The following RPS6KA2 variants were observed in gnomAD, a reference collection of about 807,000 sequenced individuals.
RPS6KA2 encodes the protein ribosomal protein S6 kinase alpha-2.
A neutral mutation model predicts 91.8 loss-of-function variants in RPS6KA2; 42 were observed. The observed-to-expected ratio is 0.46, with a 90% CI of 0.36 to 0.59. RPS6KA2 has a LOEUF of 0.59. RPS6KA2 is among the 20% of genes least tolerant of loss of function. The pLI is 0.00. For missense variants in RPS6KA2, 798 were observed against 978.5 expected (o/e 0.82, Z 2.46); for synonymous variants, 414 against 393.6 (o/e 1.05, Z -0.61).
rs530227355 is a variant in RPS6KA2 at position 166,747,665 on chromosome 6, C to T, written c.123+110535G>A. On this transcript the variant is annotated intron_variant, in intron 2 of 21. Transcript: ENST00000503859. ...TACTGAGTGAGGAAAACAGAGAGGG[C>T]GGTGGAGGTGGCCACACAGCATAGC... Among the ~76,000 whole-genome samples the T allele has an allele frequency of 1.2e-4, 19 of 152,262 alleles. No homozygotes were observed. The East Asian group carries it at 2.1e-3, about 17-fold the overall frequency.
In RPS6KA2 at chr6:166,767,370, G is replaced by C. The variant is rs573701418; in HGVS notation, c.123+90830C>G. Among the ~76,000 whole-genome samples the C allele has an allele frequency of 6.6e-6, 1 of 152,308 alleles. No individual in the cohort carries two copies. The highest frequency in any genetic ancestry group is 2.1e-4 in the South Asian group (1 of 4,826). ...TCACTCCTCTAACCAAGACCACAAA[G>C]GCCGCGCGGATCAATGTGCTCCAGA... On this transcript the variant is annotated intron_variant, in intron 2 of 21. Transcript: ENST00000503859. This position sits in a 1 kb window ranked among gnomAD's most constrained non-coding sequence, Gnocchi z 4.6.
At chr6:166,472,663 G>A (rs1461152990) in intron 10 of RPS6KA2, among the ~76,000 whole-genome samples, 2 of 152,162 alleles carry the variant, frequency 1.3e-5, no homozygotes. Flanking sequence ...AGGTGACTTT[G>A]CACTCGGCTC....
At chr6:166,703,511 G>A (rs1789592173) in intron 2 of RPS6KA2, among the ~76,000 whole-genome samples, 1 of 152,240 alleles carries the variant, frequency 6.6e-6, no homozygotes, top group African/African-American at 2.4e-5. Flanking sequence ...GAGATACCGT[G>A]TAGTTTATAA....
chr6:166,461,237 G>A (rs1170725362), intron 11 of RPS6KA2, among the ~76,000 whole-genome samples: 1 of 152,154 alleles, frequency 6.6e-6, no homozygotes. Flanking sequence ...TTAGCACCGA[G>A]TTACTCTTCA....
intron 1 of RPS6KA2, among the ~76,000 whole-genome samples, chr6:166,604,511 C>T (rs1785870398): frequency 6.6e-6 from 1 of 152,166 alleles, no homozygotes. Flanking sequence ...CACTGGGGAT[C>T]GTAAGGGAGC....
At chr6:166,565,691 G>A (rs4709121) in intron 1 of RPS6KA2, among the ~76,000 whole-genome samples, 5 of 152,238 alleles carry the variant, frequency 3.3e-5, no homozygotes, top group Non-Finnish European at 7.3e-5. Context: ...TAGCTGTTGG[G>A]CCAGTGGGGC....
intron 1 of RPS6KA2, among the ~76,000 whole-genome samples, chr6:166,623,961 G>C (rs1786738499): frequency 6.6e-6 from 1 of 152,118 alleles, no homozygotes; most frequent in Non-Finnish European, 1.5e-5. Flanking sequence ...TTAGGGTTTA[G>C]CAAATGTTGG....
chr6:166,439,403 C>T (rs1394497008), intron 14 of RPS6KA2, among the ~76,000 whole-genome samples: 3 of 152,182 alleles, frequency 2.0e-5, no homozygotes, highest in Non-Finnish European at 4.4e-5. Flanking sequence ...CCACCGTGCC[C>T]GGCCATATAT....
chr6:166,590,777 T>C (rs971433022), intron 1 of RPS6KA2, among the ~76,000 whole-genome samples: 1 of 152,012 alleles, frequency 6.6e-6, no homozygotes, highest in African/African-American at 2.4e-5. Flanking sequence ...AAAAACCTCA[T>C]TGAGGCAGTG....
intron 2 of RPS6KA2, among the ~76,000 whole-genome samples, chr6:166,724,292 C>T (rs1020422410): frequency 7.2e-5 from 11 of 152,078 alleles, no homozygotes; most frequent in African/African-American, 2.7e-4. Flanking sequence ...GTTTTTGCTT[C>T]ATAAATTTTG....
rs1191088983 is a variant in RPS6KA2 at position 166,647,775 on chromosome 6, T to C, written c.124-108991A>G. 6.3e-5 allele frequency among the ~76,000 whole-genome samples: 9 copies of C among 143,570 alleles called. No homozygotes were observed. In the East Asian group the frequency reaches 1.3e-3, roughly 21 times the overall value. The allele number at this position is 143,570 out of a possible 152,430, so 94.2% of individuals were successfully genotyped here. On this transcript the variant is annotated intron_variant, in intron 2 of 21. Transcript: ENST00000503859. Reference sequence around the variant, plus strand: ...ACACACACACACACGCACATGCTCATACACACACATGCACATGCTTACACA... The same window carrying C: ...ACACACACACACACGCACATGCTCACACACACACATGCACATGCTTACACA...
rs1227479334 is a variant in RPS6KA2 at position 166,849,479 on chromosome 6, C to T, written c.123+8721G>A. Among the ~76,000 whole-genome samples the T allele has an allele frequency of 6.6e-6, 1 of 152,104 alleles. No homozygotes were observed. Among genetic ancestry groups the T allele is most frequent in the Non-Finnish European group, 1.5e-5 (1 of 68,022 alleles). The stretch of plus-strand genomic sequence containing the variant: ...CACAGTTATCACTCCCCAGACTTTG[C>T]CCGAAGAATAAAAGAAGAAGGGAGG... On this transcript the variant is annotated intron_variant, in intron 2 of 21. Coordinates refer to the RPS6KA2 transcript ENST00000503859. This position sits in a 1 kb window ranked among gnomAD's most constrained non-coding sequence, Gnocchi z 4.9.
intron 1 of RPS6KA2, among the ~76,000 whole-genome samples, chr6:166,604,322 A>T (rs1785860456): frequency 6.6e-6 from 1 of 152,180 alleles, no homozygotes; most frequent in Non-Finnish European, 1.5e-5. Flanking sequence ...ACTTTTTTTA[A>T]AAAACGTTTC....
intron 2 of RPS6KA2, among the ~76,000 whole-genome samples, chr6:166,826,595 C>A (rs530790871): frequency 6.6e-6 from 1 of 152,198 alleles, no homozygotes; most frequent in Non-Finnish European, 1.5e-5. Flanking sequence ...CAGAAAGATG[C>A]GCTTTTCTAC....
At position 166,798,691 on chromosome 6, in the gene RPS6KA2, G is replaced by A. The variant is rs1056380408; in HGVS notation, c.123+59509C>T. ...AGTAATTACTTATCATTTCCAGCTC[G>A]TCAGCTCTTTCCCAAAAGTGATCTG... is the stretch of plus-strand genomic sequence containing the variant. On this transcript the variant is annotated intron_variant, in intron 2 of 21. Coordinates refer to the RPS6KA2 transcript ENST00000503859. Among the ~76,000 whole-genome samples the A allele has an allele frequency of 7.8e-5, 10 of 127,938 alleles. No homozygotes were observed. In the East Asian group the frequency reaches 8.1e-4, roughly 10 times the overall value. The allele number at this position is 127,938 out of a possible 152,430, so 83.9% of individuals were successfully genotyped here.
At position 166,434,147 on chromosome 6, in the gene RPS6KA2, C is replaced by T. The variant is rs548090466; in HGVS notation, c.1333-1657G>A. ...CCCTGGTCACCCTTCGTCCACTCCC[C>T]GTCACCGTTATAAAAACTCACCATA... On this transcript the variant is annotated intron_variant, in intron 14 of 20. Coordinates refer to ENST00000265678, the MANE Select transcript of RPS6KA2 (RefSeq NM_021135.6). This position sits in a 1 kb window ranked among gnomAD's most constrained non-coding sequence, Gnocchi z 4.4. Among the ~76,000 whole-genome samples the T allele has an allele frequency of 8.5e-5, 13 of 152,294 alleles. No homozygotes were observed. In the East Asian group the frequency reaches 1.2e-3, roughly 14 times the overall value.
intron 1 of RPS6KA2, among the ~76,000 whole-genome samples, chr6:166,571,440 G>A (rs112489697): frequency 5.9e-5 from 9 of 152,324 alleles, no homozygotes; most frequent in African/African-American, 2.2e-4. Flanking sequence ...TTAAAAGCTC[G>A]TAAGCAAAAT....
chr6:166,843,627 G>A (rs1353365267), intron 2 of RPS6KA2, among the ~76,000 whole-genome samples: 3 of 152,290 alleles, frequency 2.0e-5, no homozygotes, highest in Admixed American at 6.5e-5. Flanking sequence ...TACCAGCCCA[G>A]AGCCAGTAGC....
intron 2 of RPS6KA2, among the ~76,000 whole-genome samples, chr6:166,787,395 G>A (rs55706390): frequency 0.12 from 18,075 of 151,894 alleles, 1,361 homozygotes; most frequent in Non-Finnish European, 0.16. Flanking sequence ...TGATATTTAT[G>A]AATTATATAA....
Sources: gnomAD v4.1 joint callset for allele counts (sites outside exome capture counted in the v4.1 genomes callset) on GRCh38, gnomAD v4.1.1 for gene constraint, Gnocchi (gnomAD v3.1) non-coding constraint, MANE v1.5 for transcripts, NCBI Gene and HGNC (gene_info 2026-07-23, HGNC 2026-07-21) for gene names.